The following MRPL42 variants were observed in gnomAD, a reference collection of about 807,000 sequenced individuals.
The protein encoded by MRPL42 is large ribosomal subunit protein mL42.
Under a neutral mutation model 17.9 loss-of-function variants are expected in MRPL42, and 17 were observed. The observed-to-expected ratio is 0.95, with a 90% CI of 0.65 to 1.42. The LOEUF is 1.42. Ranked by LOEUF, MRPL42 falls within the 40% of genes most tolerant of loss-of-function variation. The pLI is 0.00. For missense variants in MRPL42, 177 were observed against 175.2 expected (o/e 1.01, Z -0.06); for synonymous variants, 59 against 54.4 (o/e 1.08, Z -0.37).
At position 93,515,594 on chromosome 12, in the gene MRPL42, C is replaced by T. The variant is rs7301432; in HGVS notation, c.*14373C>T. 6.6e-6 allele frequency: 1 copy of T among 152,124 alleles called. No homozygotes were observed. The highest frequency in any genetic ancestry group is 2.4e-5 in the African/African-American group (1 of 41,384). The allele number at this position is 152,124 out of a possible 1,614,324, so 9.4% of individuals were successfully genotyped here. On this transcript the variant is annotated 3_prime_UTR_variant, in exon 6 of 6. Transcript: ENST00000549982. ...ATTCTGGCCAGGCTGGTCTCGAGCT[C>T]CTGACCTCAAGTGATTCGCCCGCGT...
At chr12:93,487,798 C>CT (rs139138639) in intron 5 of MRPL42, 138 bp downstream of exon 5, 195,513 of 667,550 alleles carry the variant, frequency 0.29, 28,019 homozygotes, top group Non-Finnish European at 0.34. Flanking sequence ...CTATGTTGTA[C>CT]TTTTTTTTTC....
chr12:93,468,124 G>GA (rs1309766888), intron 1 of MRPL42, among the ~76,000 whole-genome samples: 1 of 152,064 alleles, frequency 6.6e-6, no homozygotes, highest in African/African-American at 2.4e-5. Context: ...AAATGGAGAT[G>GA]CTGCTTCACA....
chr12:93,471,965 C>A (rs1879931361), intron 2 of MRPL42, among the ~76,000 whole-genome samples: 1 of 152,140 alleles, frequency 6.6e-6, no homozygotes. Context: ...AACAATTAGT[C>A]CTCACACAGG....
At chr12:93,500,052 A>T (rs1953561806) in intron 5 of MRPL42, among the ~76,000 whole-genome samples, 1 of 152,218 alleles carries the variant, frequency 6.6e-6, no homozygotes, top group South Asian at 2.1e-4. Context: ...AAATAAGGAA[A>T]TGCAGAGGAG....
At chr12:93,471,878 C>G (rs1469229710) in intron 2 of MRPL42, among the ~76,000 whole-genome samples, 1 of 152,146 alleles carries the variant, frequency 6.6e-6, no homozygotes, top group South Asian at 2.1e-4. Flanking sequence ...TTAGATTCCT[C>G]TTTGCCTTGC....
chr12:93,489,951 G>A (rs1278880575), intron 5 of MRPL42, among the ~76,000 whole-genome samples: 1 of 152,196 alleles, frequency 6.6e-6, no homozygotes, highest in Admixed American at 6.5e-5. Flanking sequence ...TCATAGCCCT[G>A]TGCCTTAAAT....
intron 2 of MRPL42, among the ~76,000 whole-genome samples, chr12:93,472,330 C>G (rs7956882): frequency 0.5 from 76,734 of 152,008 alleles, 19,484 homozygotes; most frequent in Non-Finnish European, 0.53. Context: ...TGGCTCACAC[C>G]TGTAATACCA....
chr12:93,469,141 T>C (rs1879777441), intron 1 of MRPL42, 51 bp from the exon 2 acceptor site: 1 of 583,022 alleles, frequency 1.7e-6, no homozygotes, highest in Non-Finnish European at 3.0e-6. Flanking sequence ...GTGTTTAATA[T>C]AACTTAAATT....
chr12:93,488,986 C>T lies in MRPL42; in HGVS notation c.383+1326C>T, dbSNP rs376148073. 3.3e-5 allele frequency among the ~76,000 whole-genome samples: 5 copies of T among 152,166 alleles called. No individual in the cohort carries two copies. The South Asian group carries it at 1.0e-3, about 32-fold the overall frequency. ...GATTACAGGCACACTCTGCCACGCCCAGCTAGTTTGAACAAAACTTTGTTC... is the reference window on the plus strand; with the variant it reads ...GATTACAGGCACACTCTGCCACGCCTAGCTAGTTTGAACAAAACTTTGTTC... On this transcript the variant is annotated intron_variant, in intron 5 of 5. Coordinates refer to ENST00000549982, the MANE Select transcript of MRPL42 (RefSeq NM_014050.4).
At chr12:93,476,358 A>G (rs1880177152) in intron 2 of MRPL42, among the ~76,000 whole-genome samples, 1 of 151,924 alleles carries the variant, frequency 6.6e-6, no homozygotes, top group Non-Finnish European at 1.5e-5. Flanking sequence ...AGTAGAGACA[A>G]AGTTTCACCA....
chr12:93,494,762 C>T (rs1043338046), intron 5 of MRPL42, among the ~76,000 whole-genome samples: 6 of 151,516 alleles, frequency 4.0e-5, no homozygotes, highest in African/African-American at 9.7e-5. Flanking sequence ...AAAAGTGGAG[C>T]AGTCCAAGGA....
rs1254900455 is a variant in MRPL42, at chr12:93,503,649, T to C, written c.*2428T>C. 1 of 152,078 alleles carries C rather than the reference T, an allele frequency of 6.6e-6. No homozygotes were observed. The highest frequency in any genetic ancestry group is 2.4e-5 in the African/African-American group (1 of 41,422). The allele number at this position is 152,078 out of a possible 1,614,324, so 9.4% of individuals were successfully genotyped here. Reference sequence around the variant, plus strand: ...ATCCACCCACCTTGGCCTCCAAAAGTATGGGATTACAGGTGTGAGCCACTG... The same window carrying C: ...ATCCACCCACCTTGGCCTCCAAAAGCATGGGATTACAGGTGTGAGCCACTG... On this transcript the variant is annotated 3_prime_UTR_variant, in exon 6 of 6. Transcript: ENST00000549982.
chr12:93,476,867 G>T, intron 2 of MRPL42, 87 bp from the exon 3 acceptor site: 1 of 1,226,598 alleles, frequency 8.2e-7, no homozygotes, highest in South Asian at 1.2e-5. Flanking sequence ...CAGTAATGTT[G>T]GTTGAATGAG....
chr12:93,507,283 T>G lies in MRPL42; in HGVS notation c.*6062T>G, dbSNP rs924204354. 1.3e-5 allele frequency: 2 copies of G among 152,226 alleles called. No homozygotes were observed. Among genetic ancestry groups the G allele is most frequent in the Non-Finnish European group, 2.9e-5 (2 of 68,036 alleles). 9.4% of individuals were successfully genotyped at this position (152,226 alleles called of 1,614,324 possible). On this transcript the variant is annotated 3_prime_UTR_variant, in exon 6 of 6. Coordinates refer to ENST00000549982, the MANE Select transcript of MRPL42 (RefSeq NM_014050.4). ...CCATTAGATTGTTTCCTTGTTCCAG[T>G]TATGCATTCAGAGACACTCCACCTT... is the stretch of plus-strand genomic sequence containing the variant.
At chr12:93,470,198 TTCTA>T (rs924326678) in intron 2 of MRPL42, among the ~76,000 whole-genome samples, 1 of 152,208 alleles carries the variant, frequency 6.6e-6, no homozygotes, top group Non-Finnish European at 1.5e-5. Context: ...TGCCTTTCTT[TTCTA>T]AAGAACTGTA....
chr12:93,515,224 C>T lies in MRPL42; in HGVS notation c.*14003C>T, dbSNP rs1044963216. The T allele has an allele frequency of 5.9e-5, 9 of 152,018 alleles. No individual in the cohort carries two copies. The highest frequency in any genetic ancestry group is 9.7e-5 in the African/African-American group (4 of 41,358). 9.4% of individuals were successfully genotyped at this position (152,018 alleles called of 1,614,324 possible). A position where few individuals can be genotyped will look rare whatever the true frequency, so the allele number is the denominator to read the frequency against. On this transcript the variant is annotated 3_prime_UTR_variant, in exon 6 of 6. Coordinates refer to ENST00000549982, the MANE Select transcript of MRPL42 (RefSeq NM_014050.4). Reference sequence around the variant, plus strand: ...TGGAGGATGGGCTGGAACGGAAGCACGATGGACTCCTGGGCACACCGTTAA... The same window carrying T: ...TGGAGGATGGGCTGGAACGGAAGCATGATGGACTCCTGGGCACACCGTTAA...
At chr12:93,496,643 TA>T (rs35375116) in intron 5 of MRPL42, among the ~76,000 whole-genome samples, 2,182 of 70,586 alleles carry the variant, frequency 0.031, 54 homozygotes, top group African/African-American at 0.11. Context: ...TCAGATTAGG[TA>T]AAAAAAAAAA....
chr12:93,480,424 A>G (rs1171022591), intron 4 of MRPL42, among the ~76,000 whole-genome samples: 5 of 151,262 alleles, frequency 3.3e-5, no homozygotes, highest in Non-Finnish European at 5.9e-5. Context: ...CCCGGCCTTG[A>G]TTTGCTTTTT....
In MRPL42 at chr12:93,514,649, C is replaced by T. The variant is rs1008543312; in HGVS notation, c.*13428C>T. 1.3e-5 allele frequency: 2 copies of T among 152,174 alleles called. No individual in the cohort carries two copies. The highest frequency in any genetic ancestry group is 4.8e-5 in the African/African-American group (2 of 41,430). The allele number at this position is 152,174 out of a possible 1,614,324, so 9.4% of individuals were successfully genotyped here. ...CTGCTTATGGTTTATAATCCTCAGACTTGATTCTCCCCCTGAATCTATATG... is the reference window on the plus strand; with the variant it reads ...CTGCTTATGGTTTATAATCCTCAGATTTGATTCTCCCCCTGAATCTATATG... On this transcript the variant is annotated 3_prime_UTR_variant, in exon 6 of 6. Transcript: ENST00000549982.
Sources: allele counts gnomAD v4.1 joint callset (sites outside exome capture counted in the v4.1 genomes callset), GRCh38; gene constraint gnomAD v4.1.1; transcripts MANE v1.5; gene names NCBI Gene and HGNC (gene_info 2026-07-23, HGNC 2026-07-21).